PON2: variants seen among roughly 807,000 people sequenced by gnomAD.
PON2 encodes the protein serum paraoxonase/arylesterase 2.
A neutral mutation model predicts 36.6 loss-of-function variants in PON2; 27 were observed. That is an observed-to-expected ratio of 0.74 (90% CI 0.54 to 1.02). The LOEUF (loss-of-function observed/expected upper bound fraction) is 1.02. PON2 is among the 50% of genes least tolerant of loss of function. The pLI is 0.00. For missense variants in PON2, 363 were observed against 421.1 expected (o/e 0.86, Z 1.21); for synonymous variants, 149 against 156.3 (o/e 0.95, Z 0.35).
At chr7:95,429,593 A>T (rs1054664822) in intron 1 of PON2, among the ~76,000 whole-genome samples, 1 of 152,234 alleles carries the variant, frequency 6.6e-6, no homozygotes, top group Non-Finnish European at 1.5e-5. Context: ...GCTAGCTATT[A>T]TCTGGCCTCA....
chr7:95,430,636 T>TATAG (rs781051741), intron 1 of PON2, among the ~76,000 whole-genome samples: 28 of 151,842 alleles, frequency 1.8e-4, no homozygotes, highest in Middle Eastern at 3.2e-3. Flanking sequence ...GGTGCATGCC[T>TATAG]ATAGTCCTCA....
At chr7:95,415,132 G>A (rs771601596) in intron 3 of PON2, 11 of 152,214 alleles carry the variant, frequency 7.2e-5, no homozygotes, top group Non-Finnish European at 1.3e-4. Flanking sequence ...ATGTTGAGAG[G>A]AAATGGAATA....
chr7:95,409,158 C>G (rs1029350783), intron 6 of PON2, among the ~76,000 whole-genome samples: 1 of 151,946 alleles, frequency 6.6e-6, no homozygotes, highest in African/African-American at 2.4e-5. Context: ...ACTAAAAATA[C>G]AAAATTAGCC....
intron 1 of PON2, 75 bp downstream of exon 1, chr7:95,434,803 T>A: frequency 6.7e-7 from 1 of 1,487,700 alleles, no homozygotes. Flanking sequence ...TCCCCCAGCC[T>A]GCGCCCTCCC....
At position 95,405,839 on chromosome 7, in the gene PON2, T is replaced by C. The variant is rs574474486; in HGVS notation, c.906+280A>G. Among the ~76,000 whole-genome samples the C allele has an allele frequency of 3.3e-5, 5 of 152,282 alleles. No individual in the cohort carries two copies. In the East Asian group the frequency reaches 9.7e-4, roughly 29 times the overall value. On this transcript the variant is annotated intron_variant, in intron 8 of 8. Transcript: ENST00000222572. ...GACAATAAATCAGATATTTTAAAAA[T>C]TGCCAGTATACCACCCAAGAAGGGC...
rs58163927 is a variant in PON2, at chr7:95,424,797, T to C, written c.75-212A>G. On this transcript the variant is annotated intron_variant, in intron 1 of 8. Transcript: ENST00000222572. ...CAAAAATGCCTATTGCAAAGTTCTA[T>C]ATACTGATGTGGGTTATTAAAAAAA... 6.9e-3 allele frequency among the ~76,000 whole-genome samples: 1,031 copies of C among 148,818 alleles called. 14 individuals are homozygous for C. The highest frequency in any genetic ancestry group is 0.024 in the African/African-American group (977 of 40,818).
At chr7:95,433,939 T>C (rs899689658) in intron 1 of PON2, among the ~76,000 whole-genome samples, 7 of 152,246 alleles carry the variant, frequency 4.6e-5, no homozygotes, top group Non-Finnish European at 1.0e-4. Context: ...TACTGTATTT[T>C]AATTCTCTCT....
At position 95,411,771 on chromosome 7, in the gene PON2, C is replaced by G. The variant is rs1216676406; in HGVS notation, c.376G>C (p.Val126Leu). ...GGGTGGTTTACAACAAAGAGATAAA[C>G]TGTGTCATCTAAAGAATTGAAAGAA... ...ISTFIDNDDT[V>L]YLFVVNHPEF... The change falls in exon 5 of 9, where the codon GTT becomes CTT. Residue 126 changes from valine to leucine, a missense_variant. Transcript: ENST00000222572. 5 of 1,613,528 alleles carry G rather than the reference C, an allele frequency of 3.1e-6. No homozygotes were observed. The highest frequency in any genetic ancestry group is 1.7e-5 in the Admixed American group (1 of 60,002).
In PON2 at chr7:95,405,298, A is replaced by C. The variant is rs1413091795; in HGVS notation, c.*32T>G. 1.2e-6 allele frequency: 2 copies of C among 1,605,954 alleles called. No individual in the cohort carries two copies. The highest frequency in any genetic ancestry group is 8.5e-7 in the Non-Finnish European group (1 of 1,173,142). ...AGCAATTCATAGAAAATTAATTGTT[A>C]AGTTATCGCACTTTCATGCCAAAAG... On this transcript the variant is annotated 3_prime_UTR_variant, in exon 9 of 9. Coordinates refer to ENST00000222572, the MANE Select transcript of PON2 (RefSeq NM_000305.3).
intron 1 of PON2, among the ~76,000 whole-genome samples, chr7:95,426,246 A>G (rs1052937919): frequency 2.1e-5 from 3 of 141,578 alleles, no homozygotes; most frequent in African/African-American, 7.9e-5. Context: ...ATCTAAAATA[A>G]AATTGAAATT....
intron 1 of PON2, among the ~76,000 whole-genome samples, chr7:95,427,759 G>A (rs1408677357): frequency 6.6e-6 from 1 of 152,138 alleles, no homozygotes; most frequent in African/African-American, 2.4e-5. Context: ...TCTGATATAT[G>A]TTACTTGTGG....
At chr7:95,434,743 T>G in intron 1 of PON2, 135 bp downstream of exon 1, 1 of 922,912 alleles carries the variant, frequency 1.1e-6, no homozygotes, top group African/African-American at 1.7e-5. Context: ...AGGGACAGCA[T>G]TCAAAAATTC....
intron 6 of PON2, among the ~76,000 whole-genome samples, chr7:95,408,376 G>A (rs542981079): frequency 6.6e-6 from 1 of 152,346 alleles, no homozygotes; most frequent in South Asian, 2.1e-4. Context: ...AAAGGGAAAG[G>A]AGTTTGGGGG....
At chr7:95,420,040 C>T (rs979387520) in intron 2 of PON2, among the ~76,000 whole-genome samples, 2 of 152,168 alleles carry the variant, frequency 1.3e-5, no homozygotes, top group African/African-American at 4.8e-5. Flanking sequence ...TGGGAAAAGA[C>T]ACTATATTGG....
At position 95,410,096 on chromosome 7, in the gene PON2, T is replaced by C. The variant is rs1788885573; in HGVS notation, c.500A>G (p.Asn167Ser). The change falls in exon 6 of 9, where the codon AAT becomes AGT. Residue 167 changes from asparagine to serine, a missense_variant. Asn to Ser is a conservative substitution (Grantham distance 46). Coordinates refer to ENST00000222572, the MANE Select transcript of PON2 (RefSeq NM_000305.3). ...TGCCGGTCCAACAGCTGTGATGTCA[T>C]TCACACTGAAAAAGAAAAATAGCAT... The part of the protein sequence containing the change: ...TVKHELLPSV[N>S]DITAVGPAHF... 6.2e-7 allele frequency: 1 copy of C among 1,613,102 alleles called. No individual in the cohort carries two copies. The highest frequency in any genetic ancestry group is 8.5e-7 in the Non-Finnish European group (1 of 1,179,316).
At chr7:95,407,321 T>G (rs576812340) in intron 6 of PON2, among the ~76,000 whole-genome samples, 121 of 152,320 alleles carry the variant, frequency 7.9e-4, no homozygotes, top group African/African-American at 2.8e-3. Context: ...AACATCATTT[T>G]GAATATGAAG....
intron 1 of PON2, among the ~76,000 whole-genome samples, chr7:95,426,278 A>C (rs1043838562): frequency 6.6e-6 from 1 of 152,240 alleles, no homozygotes. Context: ...AGAGAAAAAA[A>C]AAGTTTATGT....
chr7:95,428,703 T>C (rs2116504457), intron 1 of PON2, among the ~76,000 whole-genome samples: 1 of 152,320 alleles, frequency 6.6e-6, no homozygotes, highest in Non-Finnish European at 1.5e-5. Flanking sequence ...ATTTAATTGG[T>C]TTCCTGTGTA....
intron 1 of PON2, among the ~76,000 whole-genome samples, chr7:95,428,843 G>A (rs1009549402): frequency 1.3e-5 from 2 of 152,168 alleles, no homozygotes; most frequent in Non-Finnish European, 2.9e-5. Context: ...TGTCTACATA[G>A]ATGACATTTA....
Sources: gnomAD v4.1 joint callset for allele counts (sites outside exome capture counted in the v4.1 genomes callset) on GRCh38, gnomAD v4.1.1 for gene constraint, MANE v1.5 for transcripts, NCBI Gene and HGNC (gene_info 2026-07-23, HGNC 2026-07-21) for gene names.